Variants in NSMCE2 observed in about 807,000 individuals in gnomAD.
NSMCE2 encodes E3 SUMO-protein ligase NSE2.
In NSMCE2, 24 loss-of-function variants were observed where a neutral mutation model predicts 23.8. That is an observed-to-expected ratio of 1.01 (90% CI 0.73 to 1.42). The LOEUF (loss-of-function observed/expected upper bound fraction) is 1.42, where lower values mean the gene tolerates loss of function less well. Among genes scored for constraint, NSMCE2 ranks in the 40% most tolerant of loss-of-function variants. The pLI is 0.00. For synonymous variants in NSMCE2, 92 were observed against 94.1 expected, an observed-to-expected ratio of 0.98 and a Z score of 0.13; for missense variants, 284 against 296.5, an observed-to-expected ratio of 0.96 and a Z score of 0.31.
At chr8:125,164,570 T>G (rs1821778630) in intron 4 of NSMCE2, among the ~76,000 whole-genome samples, 1 of 152,114 alleles carries the variant, frequency 6.6e-6, no homozygotes, top group Non-Finnish European at 1.5e-5. Flanking sequence ...TAGAGAGGGA[T>G]TCTATTAGAA....
At chr8:125,341,246 ATGCCAGGC>A (rs1218868917) in intron 5 of NSMCE2, among the ~76,000 whole-genome samples, 2 of 152,240 alleles carry the variant, frequency 1.3e-5, no homozygotes, top group Non-Finnish European at 2.9e-5. Flanking sequence ...TGTCATTCAC[ATGCCAGGC>A]TGTAGATTAT....
At chr8:125,242,666 G>T (rs1825806406) in intron 5 of NSMCE2, among the ~76,000 whole-genome samples, 1 of 152,196 alleles carries the variant, frequency 6.6e-6, no homozygotes, top group African/African-American at 2.4e-5. Context: ...AGGAGCTAGA[G>T]ACCTGGGTGA....
intron 5 of NSMCE2, among the ~76,000 whole-genome samples, chr8:125,337,287 C>T (rs1830089390): frequency 6.6e-6 from 1 of 152,172 alleles, no homozygotes; most frequent in African/African-American, 2.4e-5. Context: ...CCCTACACCC[C>T]CTCTAAGTCT....
At chr8:125,132,499 G>T (rs554344566) in intron 3 of NSMCE2, among the ~76,000 whole-genome samples, 7 of 147,278 alleles carry the variant, frequency 4.8e-5, no homozygotes, top group South Asian at 2.2e-4. Context: ...AAAAATTTTG[G>T]TTTTTTTTTT....
chr8:125,249,407 C>G (rs1208708271), intron 5 of NSMCE2, among the ~76,000 whole-genome samples: 1 of 152,192 alleles, frequency 6.6e-6, no homozygotes, highest in African/African-American at 2.4e-5. Context: ...ATCCCTTTCT[C>G]ACCTACATGC....
intron 5 of NSMCE2, among the ~76,000 whole-genome samples, chr8:125,236,898 C>G (rs1328259050): frequency 6.6e-6 from 1 of 151,562 alleles, no homozygotes; most frequent in Non-Finnish European, 1.5e-5. Flanking sequence ...CTTGTACCTA[C>G]TAAATACTGG....
In NSMCE2 at chr8:125,285,019, C is replaced by T. The variant is rs970225575; in HGVS notation, c.419-72200C>T. On this transcript the variant is annotated intron_variant, in intron 5 of 7. Coordinates refer to ENST00000287437, the MANE Select transcript of NSMCE2 (RefSeq NM_173685.4). ...TGGGCCCACATCTGTTTGAATGATG[C>T]GGCATGAAAAGGATTCTAAATATAG... Among the ~76,000 whole-genome samples the T allele has an allele frequency of 6.4e-4, 98 of 152,058 alleles. 1 individual carries two copies. Among genetic ancestry groups the T allele is most frequent in the African/African-American group, 9.7e-5 (4 of 41,394 alleles).
At chr8:125,254,843 T>C (rs970759202) in intron 5 of NSMCE2, among the ~76,000 whole-genome samples, 2 of 152,198 alleles carry the variant, frequency 1.3e-5, no homozygotes, top group Non-Finnish European at 2.9e-5. Context: ...CCATGCCAGC[T>C]GAGTCCTGAA....
chr8:125,345,474 G>A (rs1032378917), intron 5 of NSMCE2, among the ~76,000 whole-genome samples: 7 of 152,156 alleles, frequency 4.6e-5, no homozygotes, highest in South Asian at 2.1e-4. Context: ...GCAACCATTC[G>A]TTTATGAAGT....
chr8:125,290,190 G>A (rs942077320), intron 5 of NSMCE2, among the ~76,000 whole-genome samples: 3 of 152,100 alleles, frequency 2.0e-5, no homozygotes, highest in Non-Finnish European at 2.9e-5. Context: ...AGTAGCCCAT[G>A]TCTTATGCTA....
chr8:125,230,050 T>C (rs1027291179), intron 5 of NSMCE2, among the ~76,000 whole-genome samples: 1 of 152,214 alleles, frequency 6.6e-6, no homozygotes, highest in Admixed American at 6.5e-5. Flanking sequence ...TAAAGAAAAC[T>C]CTTAAAATAG....
At chr8:125,319,560 A>G (rs1829343269) in intron 5 of NSMCE2, among the ~76,000 whole-genome samples, 2 of 152,136 alleles carry the variant, frequency 1.3e-5, no homozygotes, top group African/African-American at 4.8e-5. Context: ...ATGTCTTTAC[A>G]TATGTAAAGA....
At chr8:125,198,254 T>C (rs536811390) in intron 5 of NSMCE2, among the ~76,000 whole-genome samples, 3 of 152,278 alleles carry the variant, frequency 2.0e-5, no homozygotes, top group Admixed American at 6.5e-5. Context: ...GAGGGCAGCC[T>C]TATCTTGTGC....
At chr8:125,240,572 C>CT (rs1825731871) in intron 5 of NSMCE2, among the ~76,000 whole-genome samples, 1 of 152,186 alleles carries the variant, frequency 6.6e-6, no homozygotes, top group African/African-American at 2.4e-5. Context: ...TTTCTGAATT[C>CT]TTTTTCTGCA....
At chr8:125,354,722 G>A (rs997625758) in intron 5 of NSMCE2, among the ~76,000 whole-genome samples, 1 of 152,178 alleles carries the variant, frequency 6.6e-6, no homozygotes, top group Admixed American at 6.5e-5. Flanking sequence ...CTCCAAGAAG[G>A]TGACTCTCTA....
intron 5 of NSMCE2, among the ~76,000 whole-genome samples, chr8:125,190,533 ATAAT>A (rs1298906887): frequency 2.0e-5 from 3 of 152,248 alleles, no homozygotes; most frequent in Non-Finnish European, 2.9e-5. Flanking sequence ...GACCAAATAA[ATAAT>A]TAAGAAAAAG....
In NSMCE2 at chr8:125,153,883, G is replaced by A. The variant is rs185631786; in HGVS notation, c.264+2606G>A. Among the ~76,000 whole-genome samples, 16 of 152,246 alleles carry A rather than the reference G, an allele frequency of 1.1e-4. No individual in the cohort carries two copies. The East Asian group carries it at 3.1e-3, about 29-fold the overall frequency. ...TGGAACAAAATCTTCTAAAAAGCAA[G>A]TATTTTGTTTTGCTCACTTTATTTC... is the stretch of plus-strand genomic sequence containing the variant. On this transcript the variant is annotated intron_variant, in intron 4 of 7. Coordinates refer to ENST00000287437, the MANE Select transcript of NSMCE2 (RefSeq NM_173685.4).
At chr8:125,174,052 G>A (rs1432851817) in intron 4 of NSMCE2, among the ~76,000 whole-genome samples, 1 of 152,162 alleles carries the variant, frequency 6.6e-6, no homozygotes, top group African/African-American at 2.4e-5. Flanking sequence ...AGTATGACCT[G>A]TGTTTAAATT....
At chr8:125,151,387 A>G (rs1412821026) in intron 4 of NSMCE2, 110 bp downstream of exon 4, 3 of 544,618 alleles carry the variant, frequency 5.5e-6, no homozygotes, top group East Asian at 2.9e-5. Flanking sequence ...CTTATCCTTA[A>G]TGTAGCAGCT....
Sources: allele counts gnomAD v4.1 joint callset (sites outside exome capture counted in the v4.1 genomes callset), GRCh38; gene constraint gnomAD v4.1.1; transcripts MANE v1.5; gene names NCBI Gene and HGNC (gene_info 2026-07-23, HGNC 2026-07-21).